TBXAS1: variants seen among roughly 807,000 people sequenced by gnomAD.
TBXAS1 encodes the protein thromboxane-A synthase.
TBXAS1 carries 48 observed loss-of-function variants against 60.7 expected under a neutral mutation model. The observed-to-expected ratio is 0.79, with a 90% CI of 0.63 to 1.01. The LOEUF (loss-of-function observed/expected upper bound fraction) is 1.01. Among genes scored for constraint, TBXAS1 ranks in the 50% least tolerant of loss-of-function variants. TBXAS1 has a pLI of 0.00. For synonymous variants in TBXAS1, 287 were observed against 269.7 expected (o/e 1.06, Z -0.63); for missense variants, 685 against 686.3 (o/e 1.00, Z 0.02).
At position 139,951,903 on chromosome 7, in the gene TBXAS1, GAA is replaced by G. The variant is rs1488157176; in HGVS notation, c.451-1463_451-1462del. Among the ~76,000 whole-genome samples, 85 of 28,242 alleles carry G rather than the reference GAA, an allele frequency of 3.0e-3. 13 individuals carry two copies. The highest frequency in any genetic ancestry group is 0.021 in the Middle Eastern group (1 of 48). The allele number at this position is 28,242 out of a possible 152,430, so 18.5% of individuals were successfully genotyped here. On this transcript the variant is annotated intron_variant, in intron 5 of 12. Coordinates refer to ENST00000448866, the MANE Select transcript of TBXAS1 (RefSeq NM_001061.7). ...GGAAAGAAGGAAGGAAGGAAGGAAA[GAA>G]AGAGAAAGAAAGAGAGAAAGAAAGA...
intron 3 of TBXAS1, among the ~76,000 whole-genome samples, chr7:139,881,733 GAA>G (rs8192814): frequency 6.7e-6 from 1 of 148,836 alleles, no homozygotes; most frequent in South Asian, 2.1e-4. Context: ...GTCCCATACT[GAA>G]AAAAAAAATC....
At chr7:139,930,800 G>C (rs371495301) in intron 4 of TBXAS1, among the ~76,000 whole-genome samples, 3 of 152,154 alleles carry the variant, frequency 2.0e-5, no homozygotes, top group Non-Finnish European at 4.4e-5. Context: ...GTACGGATGG[G>C]TGTGACAAGG....
At chr7:139,934,233 G>A (rs1294141562) in intron 4 of TBXAS1, among the ~76,000 whole-genome samples, 1 of 151,698 alleles carries the variant, frequency 6.6e-6, no homozygotes, top group Non-Finnish European at 1.5e-5. Flanking sequence ...TTGTCCCCCA[G>A]GCTGGAGTGC....
intron 3 of TBXAS1, among the ~76,000 whole-genome samples, chr7:139,784,428 G>A (rs1222300339): frequency 6.6e-6 from 1 of 152,134 alleles, no homozygotes; most frequent in African/African-American, 2.4e-5. Context: ...CAAGCAAGGA[G>A]CATGATACAA....
chr7:139,876,559 G>C (rs1213883221), intron 3 of TBXAS1, among the ~76,000 whole-genome samples: 1 of 152,068 alleles, frequency 6.6e-6, no homozygotes, highest in South Asian at 2.1e-4. Context: ...TGATTTGGGG[G>C]TCCTATCTCC....
intron 5 of TBXAS1, among the ~76,000 whole-genome samples, chr7:139,943,276 C>T (rs889300285): frequency 6.6e-5 from 10 of 152,232 alleles, no homozygotes; most frequent in African/African-American, 2.4e-4. Flanking sequence ...CCTTGCCTGA[C>T]CAGTTGCCCA....
intron 3 of TBXAS1, among the ~76,000 whole-genome samples, chr7:139,885,414 G>C (rs1803012619): frequency 6.6e-6 from 1 of 152,200 alleles, no homozygotes; most frequent in South Asian, 2.1e-4. Context: ...ATGCATAATA[G>C]AGTATGTAAA....
chr7:139,822,773 C>T (rs139033292), intron 4 of TBXAS1, among the ~76,000 whole-genome samples: 4 of 152,066 alleles, frequency 2.6e-5, no homozygotes, highest in Non-Finnish European at 5.9e-5. Flanking sequence ...AAAAACCAGC[C>T]CTCTCTTGCT....
intron 8 of TBXAS1, among the ~76,000 whole-genome samples, chr7:139,958,025 C>T (rs891420796): frequency 6.6e-6 from 1 of 152,144 alleles, no homozygotes; most frequent in Non-Finnish European, 1.5e-5. Flanking sequence ...GAATTAAAGC[C>T]GCCCCCAAAA....
At chr7:139,792,892 G>A (rs1393836078) in intron 4 of TBXAS1, among the ~76,000 whole-genome samples, 2 of 152,178 alleles carry the variant, frequency 1.3e-5, no homozygotes, top group Non-Finnish European at 2.9e-5. Context: ...AGGAAACAAA[G>A]CAAGATGGTA....
chr7:139,991,320 T>G (rs1311921954), intron 9 of TBXAS1, among the ~76,000 whole-genome samples: 1 of 139,230 alleles, frequency 7.2e-6, no homozygotes, highest in Non-Finnish European at 1.6e-5. Context: ...ACCCCCACGA[T>G]GCCCCCATAT....
At chr7:139,786,320 A>G (rs1797195285) in intron 3 of TBXAS1, among the ~76,000 whole-genome samples, 1 of 152,106 alleles carries the variant, frequency 6.6e-6, no homozygotes, top group Non-Finnish European at 1.5e-5. Flanking sequence ...GTCAGGTATG[A>G]AGGAGACACT....
chr7:139,787,742 A>G (rs904712534), intron 4 of TBXAS1, among the ~76,000 whole-genome samples: 39 of 152,198 alleles, frequency 2.6e-4, no homozygotes, highest in African/African-American at 9.4e-4. Flanking sequence ...GCTGTCCTCT[A>G]CTGCACCCCA....
chr7:139,938,781 T>C (rs1203843452), intron 5 of TBXAS1, among the ~76,000 whole-genome samples: 3 of 151,836 alleles, frequency 2.0e-5, no homozygotes, highest in Non-Finnish European at 4.4e-5. Context: ...GAAAAAGAAA[T>C]TGGTAAAGAG....
At chr7:139,955,629 G>A (rs753383760) in intron 7 of TBXAS1, 22 bp downstream of exon 7, 1 of 1,613,496 alleles carries the variant, frequency 6.2e-7, no homozygotes, top group Admixed American at 1.7e-5. Context: ...TGCAGCCCGG[G>A]GCGCTGCGAT....
chr7:139,870,075 C>T (rs1198301585), intron 1 of TBXAS1, among the ~76,000 whole-genome samples: 1 of 152,128 alleles, frequency 6.6e-6, no homozygotes, highest in East Asian at 1.9e-4. Flanking sequence ...AGATTTGAGT[C>T]GAGGCTACAA....
intron 1 of TBXAS1, among the ~76,000 whole-genome samples, chr7:139,865,164 G>GATGAGC (rs1801260025): frequency 6.6e-6 from 1 of 152,152 alleles, no homozygotes; most frequent in Non-Finnish European, 1.5e-5. Context: ...TGAGGATGAG[G>GATGAGC]ATGCCAGGGT....
At chr7:139,933,134 G>T (rs1258676504) in intron 4 of TBXAS1, among the ~76,000 whole-genome samples, 1 of 152,118 alleles carries the variant, frequency 6.6e-6, no homozygotes, top group African/African-American at 2.4e-5. Flanking sequence ...ATCAAAAAAT[G>T]GGAGATTCTA....
chr7:139,841,482 C>T (rs1226924004), intron 1 of TBXAS1, among the ~76,000 whole-genome samples: 2 of 146,482 alleles, frequency 1.4e-5, no homozygotes, highest in African/African-American at 5.0e-5. Context: ...ATCTATTTCC[C>T]TTTTTTTTTT....
Sources: gnomAD v4.1 joint callset for allele counts (sites outside exome capture counted in the v4.1 genomes callset) on GRCh38, gnomAD v4.1.1 for gene constraint, MANE v1.5 for transcripts, NCBI Gene and HGNC (gene_info 2026-07-23, HGNC 2026-07-21) for gene names.